The following ZNRF3 variants were observed in gnomAD, a reference collection of about 807,000 sequenced individuals.
ZNRF3 encodes the protein E3 ubiquitin-protein ligase ZNRF3.
Under a neutral mutation model 72.5 loss-of-function variants are expected in ZNRF3, and 23 were observed. The ratio of observed to expected loss-of-function variants is 0.32; its 90% CI spans 0.23 to 0.45. The LOEUF (loss-of-function observed/expected upper bound fraction) is 0.45. Among genes scored for constraint, ZNRF3 ranks in the 20% least tolerant of loss-of-function variants. The pLI is 1.00. For synonymous variants in ZNRF3, 610 were observed against 545.3 expected, an observed-to-expected ratio of 1.12 and a Z score of -1.65; for missense variants, 1,169 against 1,272.1, an observed-to-expected ratio of 0.92 and a Z score of 1.23.
chr22:29,021,573 C>A (rs914041602), intron 2 of ZNRF3, among the ~76,000 whole-genome samples: 1 of 151,608 alleles, frequency 6.6e-6, no homozygotes, highest in East Asian at 1.9e-4. Context: ...CTGCAACCTC[C>A]GCCTCCCAGG....
intron 1 of ZNRF3, among the ~76,000 whole-genome samples, chr22:28,889,907 G>T (rs1446108610): frequency 6.6e-6 from 1 of 152,114 alleles, no homozygotes; most frequent in Non-Finnish European, 1.5e-5. Context: ...TTGTGGACCT[G>T]GACCCCATGG....
chr22:28,887,585 T>A (rs2033815905), intron 1 of ZNRF3, among the ~76,000 whole-genome samples: 1 of 152,170 alleles, frequency 6.6e-6, no homozygotes, highest in South Asian at 2.1e-4. Flanking sequence ...AAAGTTGTGG[T>A]GAAAACAATT....
intron 1 of ZNRF3, among the ~76,000 whole-genome samples, chr22:28,927,672 T>C (rs1245100294): frequency 6.6e-6 from 1 of 152,214 alleles, no homozygotes; most frequent in Non-Finnish European, 1.5e-5. Flanking sequence ...GCTGGACAGG[T>C]CTACAAGCTA....
chr22:28,891,541 G>C (rs1339282503), intron 1 of ZNRF3, among the ~76,000 whole-genome samples: 1 of 152,254 alleles, frequency 6.6e-6, no homozygotes, highest in Non-Finnish European at 1.5e-5. Flanking sequence ...ACATTTAACA[G>C]ACAAGGTAGA....
intron 1 of ZNRF3, among the ~76,000 whole-genome samples, chr22:28,918,663 C>G (rs1044340450): frequency 6.6e-6 from 1 of 152,018 alleles, no homozygotes; most frequent in Non-Finnish European, 1.5e-5. Context: ...GCTGGAATCC[C>G]TTTGAAGGCA....
At chr22:29,052,751 A>T (rs1460398555) in intron 8 of ZNRF3, among the ~76,000 whole-genome samples, 2 of 151,882 alleles carry the variant, frequency 1.3e-5, no homozygotes, top group Non-Finnish European at 1.5e-5. Flanking sequence ...AGGCAGGAGG[A>T]TCACTTGAGG....
In ZNRF3 at chr22:29,049,371, T is replaced by C; in HGVS notation, c.1190T>C (p.Leu397Pro). 6.2e-7 allele frequency: 1 copy of C among 1,613,250 alleles called. No individual in the cohort carries two copies. Among genetic ancestry groups the C allele is most frequent in the Non-Finnish European group, 8.5e-7 (1 of 1,179,976 alleles). ...TCCCACGGCAACCCCGTCACCTTGCTGACCATGGACCGGCACGGGGAGCAG... is the reference window on the plus strand; with the variant it reads ...TCCCACGGCAACCCCGTCACCTTGCCGACCATGGACCGGCACGGGGAGCAG... ...MDSHGNPVTL[L>P]TMDRHGEQSL... Residue 397 changes from leucine to proline, a missense_variant, in exon 8 of 9, where the codon CTG (leucine) becomes CCG (proline). By Grantham distance (98) the Leu-to-Pro change is moderately conservative. This residue lies in a region of ZNRF3 where 386 missense variants were observed against 540.7 expected (regional missense o/e 0.71). Transcript: ENST00000544604. The surrounding 1 kb of genome is among the most constrained non-coding windows in gnomAD (Gnocchi z 5.2).
At chr22:28,982,566 TAAA>T (rs57062209) in intron 1 of ZNRF3, among the ~76,000 whole-genome samples, 3,319 of 137,600 alleles carry the variant, frequency 0.024, 107 homozygotes, top group East Asian at 0.082. Flanking sequence ...ACCCTGCCTT[TAAA>T]AAAAAAAAAA....
At position 29,050,132 on chromosome 22, in the gene ZNRF3, G is replaced by C; in HGVS notation, c.1951G>C (p.Ala651Pro). 6.2e-7 allele frequency: 1 copy of C among 1,606,372 alleles called. No individual in the cohort carries two copies. Among genetic ancestry groups the C allele is most frequent in the South Asian group, 1.1e-5 (1 of 91,084 alleles). Residue 651 changes from alanine (A) to proline (P), a missense_variant, in exon 8 of 9, where the codon GCC becomes CCC. Coordinates refer to ENST00000544604, the MANE Select transcript of ZNRF3 (RefSeq NM_001206998.2). Reference protein sequence around the residue: ...AGRGEPWPGPASPSGDQVSTC... With the variant: ...AGRGEPWPGPPSPSGDQVSTC... ...GCGGGGCGAGCCTTGGCCGGGCCCTGCCTCTCCCTCGGGGGATCAGGTGTC... is the reference window on the plus strand; with the variant it reads ...GCGGGGCGAGCCTTGGCCGGGCCCTCCCTCTCCCTCGGGGGATCAGGTGTC...
chr22:28,885,447 A>G (rs1331439214), intron 1 of ZNRF3, among the ~76,000 whole-genome samples: 1 of 152,164 alleles, frequency 6.6e-6, no homozygotes, highest in Non-Finnish European at 1.5e-5. Flanking sequence ...AAAAGTTGTA[A>G]TTATGATCTT....
chr22:28,923,031 G>A (rs2034537203), intron 1 of ZNRF3, among the ~76,000 whole-genome samples: 2 of 152,076 alleles, frequency 1.3e-5, no homozygotes, highest in Admixed American at 6.5e-5. Flanking sequence ...CCAGGGATGT[G>A]CTGTGCCCCG....
At chr22:29,020,660 T>A (rs1447002705) in intron 2 of ZNRF3, among the ~76,000 whole-genome samples, 2 of 152,078 alleles carry the variant, frequency 1.3e-5, no homozygotes, top group Non-Finnish European at 2.9e-5. Flanking sequence ...TATACTCACA[T>A]CTACTGACCT....
chr22:28,993,694 C>G (rs2035994493), intron 2 of ZNRF3, among the ~76,000 whole-genome samples: 2 of 152,142 alleles, frequency 1.3e-5, no homozygotes, highest in Admixed American at 1.3e-4. Context: ...AGTTCTAACC[C>G]TTTTCTGAGA....
At chr22:28,976,669 A>T (rs553429583) in intron 1 of ZNRF3, among the ~76,000 whole-genome samples, 61 of 152,324 alleles carry the variant, frequency 4.0e-4, no homozygotes, top group African/African-American at 1.5e-3. Context: ...TTTTCATAAT[A>T]AGAACGATCA....
chr22:28,961,983 C>CT (rs2035369294), intron 1 of ZNRF3, among the ~76,000 whole-genome samples: 1 of 152,166 alleles, frequency 6.6e-6, no homozygotes, highest in Admixed American at 6.5e-5. Flanking sequence ...CTGGTCCTGA[C>CT]TTTAAGATAT....
intron 1 of ZNRF3, among the ~76,000 whole-genome samples, chr22:28,967,029 G>A (rs933164185): frequency 6.6e-6 from 1 of 151,976 alleles, no homozygotes; most frequent in Non-Finnish European, 1.5e-5. Context: ...ACAGGTGCCT[G>A]TCACCACGCC....
Position 28,937,203 on chromosome 22 carries a change from ATATATATATATATTTTTTTT to A in ZNRF3, c.301-49871_301-49852del, listed in dbSNP as rs1569252689. Among the ~76,000 whole-genome samples, 15 of 9,574 alleles carry A rather than the reference ATATATATATATATTTTTTTT, an allele frequency of 1.6e-3. 1 individual carries two copies. The highest frequency in any genetic ancestry group is 9.1e-3 in the South Asian group (2 of 220). 6.3% of individuals were successfully genotyped at this position (9,574 alleles called of 152,430 possible). A position where few individuals can be genotyped will look rare whatever the true frequency, so the allele number is the denominator to read the frequency against. ...TATATATATATATATATATATATATATATATATATATATTTTTTTTTTTTTTTTTTTTTTTAACAAAAGGA... is the reference window on the plus strand; with the variant it reads ...TATATATATATATATATATATATATATTTTTTTTTTTTTTTAACAAAAGGA... On this transcript the variant is annotated intron_variant, in intron 1 of 8. Transcript: ENST00000544604.
In ZNRF3 at chr22:28,994,176, CTTTTTTTTTT is replaced by C. The variant is rs57329565; in HGVS notation, c.426+6993_426+7002del. Among the ~76,000 whole-genome samples, 503 of 39,822 alleles carry C rather than the reference CTTTTTTTTTT, an allele frequency of 0.013. 15 individuals carry two copies. The East Asian group carries it at 0.22, about 17-fold the overall frequency. 26.1% of individuals were successfully genotyped at this position (39,822 alleles called of 152,430 possible). On this transcript the variant is annotated intron_variant, in intron 2 of 8. Coordinates refer to ENST00000544604, the MANE Select transcript of ZNRF3 (RefSeq NM_001206998.2). The stretch of plus-strand genomic sequence containing the variant: ...TCCTTTATTGTCCTTCAGTTCCTTT[CTTTTTTTTTT>C]TTTTTTTTTTTTTTTTTGAGATGGA...
Position 29,056,546 on chromosome 22 carries a change from A to G in ZNRF3, c.*2924A>G, listed in dbSNP as rs1747167916. Reference sequence around the variant, plus strand: ...AGTTGTAAGACTCCACCAATGACAGACACCCTTTTCGGTGGACTCTGAGTG... The same window carrying G: ...AGTTGTAAGACTCCACCAATGACAGGCACCCTTTTCGGTGGACTCTGAGTG... On this transcript the variant is annotated 3_prime_UTR_variant, in exon 9 of 9. Transcript: ENST00000544604. The G allele has an allele frequency of 6.6e-6, 1 of 152,190 alleles. No individual in the cohort carries two copies. Among genetic ancestry groups the G allele is most frequent in the South Asian group, 2.1e-4 (1 of 4,826 alleles). The allele number at this position is 152,190 out of a possible 1,614,324, so 9.4% of individuals were successfully genotyped here. A position where few individuals can be genotyped will look rare whatever the true frequency, so the allele number is the denominator to read the frequency against.
Sources: gnomAD v4.1 joint callset for allele counts (sites outside exome capture counted in the v4.1 genomes callset) on GRCh38, gnomAD v4.1.1 for gene constraint, gnomAD v4.1.1 regional missense constraint, Gnocchi (gnomAD v3.1) non-coding constraint, MANE v1.5 for transcripts, NCBI Gene and HGNC (gene_info 2026-07-23, HGNC 2026-07-21) for gene names.